FAM13C: variants seen among roughly 807,000 people sequenced by gnomAD.
The protein encoded by FAM13C is family with sequence similarity 13 member C.
A neutral mutation model predicts 73.2 loss-of-function variants in FAM13C; 37 were observed. The ratio of observed to expected loss-of-function variants is 0.51; its 90% CI spans 0.39 to 0.67. The LOEUF (loss-of-function observed/expected upper bound fraction) is 0.67. Ranked by LOEUF, FAM13C falls within the 30% of genes least tolerant of loss-of-function variation. FAM13C has a pLI of 0.00. For missense variants in FAM13C, 589 were observed against 715.6 expected (o/e 0.82, Z 2.02); for synonymous variants, 246 against 260.9 (o/e 0.94, Z 0.55).
At chr10:59,331,085 T>C (rs1235454876) in intron 3 of FAM13C, among the ~76,000 whole-genome samples, 60 of 152,198 alleles carry the variant, frequency 3.9e-4, no homozygotes, top group Admixed American at 3.9e-3. Context: ...TTCTGTGCTC[T>C]TCCTAGTTCC....
chr10:59,339,662 A>T (rs761167541), intron 3 of FAM13C, among the ~76,000 whole-genome samples: 1 of 152,174 alleles, frequency 6.6e-6, no homozygotes, highest in Non-Finnish European at 1.5e-5. Flanking sequence ...ACCCAGCATC[A>T]CTGATGAAAC....
intron 4 of FAM13C, 79 bp from the exon 5 acceptor site, chr10:59,302,943 T>C: frequency 7.5e-7 from 1 of 1,339,542 alleles, no homozygotes; most frequent in Non-Finnish European, 1.1e-6. Context: ...TGGCTACAAA[T>C]CTGGCTGTAC....
At chr10:59,260,073 T>C (rs921723306) in intron 10 of FAM13C, among the ~76,000 whole-genome samples, 1 of 152,192 alleles carries the variant, frequency 6.6e-6, no homozygotes, top group Non-Finnish European at 1.5e-5. Context: ...TCCCGGATTT[T>C]TTTTTTTGCC....
At chr10:59,358,572 T>C (rs556473542) in intron 1 of FAM13C, among the ~76,000 whole-genome samples, 2 of 152,314 alleles carry the variant, frequency 1.3e-5, no homozygotes, top group East Asian at 1.9e-4. Context: ...AGTAGCAACA[T>C]CAATGAAGAA....
rs190138340 is a variant in FAM13C, at chr10:59,329,165, A to G, written c.325-5059T>C. Among the ~76,000 whole-genome samples the G allele has an allele frequency of 3.7e-3, 563 of 152,240 alleles. 7 individuals are homozygous for G. The South Asian group carries it at 0.039, about 11-fold the overall frequency. On this transcript the variant is annotated intron_variant, in intron 3 of 13. Transcript: ENST00000618804. ...CTGGCCCTTTAAGAAATAGGGAACC[A>G]AGAGAGCAGTTTCTTCAGATCTATT...
At chr10:59,264,905 G>T (rs572466931) in intron 8 of FAM13C, among the ~76,000 whole-genome samples, 1 of 152,170 alleles carries the variant, frequency 6.6e-6, no homozygotes, top group East Asian at 1.9e-4. Flanking sequence ...TTAAATTAAG[G>T]ATGTACAAGG....
chr10:59,312,594 A>G (rs1484230000), intron 4 of FAM13C, among the ~76,000 whole-genome samples: 1 of 152,092 alleles, frequency 6.6e-6, no homozygotes, highest in Non-Finnish European at 1.5e-5. Flanking sequence ...CTTAGACAAA[A>G]TCCAAGGATC....
intron 6 of FAM13C, among the ~76,000 whole-genome samples, chr10:59,273,901 T>C (rs1412239668): frequency 1.3e-5 from 2 of 152,242 alleles, no homozygotes; most frequent in African/African-American, 4.8e-5. Flanking sequence ...AATTTAAAGC[T>C]ATTCCAAACC....
chr10:59,254,260 G>A (rs765889755), intron 11 of FAM13C, 88 bp downstream of exon 11: 2 of 862,024 alleles, frequency 2.3e-6, no homozygotes, highest in South Asian at 2.5e-5. Flanking sequence ...CTGCCATGAA[G>A]GGTCTTTTAT....
rs1160284709 is a variant in FAM13C, at chr10:59,252,927, A to G, written c.1404T>C (p.Ser468=). 6.2e-7 allele frequency: 1 copy of G among 1,614,106 alleles called. No individual in the cohort carries two copies. Among genetic ancestry groups the G allele is most frequent in the East Asian group, 2.2e-5 (1 of 44,874 alleles). The change falls in exon 12 of 14, where the codon TCT becomes TCC. Residue 468 remains serine, a synonymous_variant. Coordinates refer to ENST00000618804, the MANE Select transcript of FAM13C (RefSeq NM_198215.4). ...SQQPSLADPA[S]HLPVGDHLTY... ...TGAGGTGGTCACCAACAGGAAGGTGAGATGCTGGATCTGCCAAAGAAGGTT... is the reference window on the plus strand; with the variant it reads ...TGAGGTGGTCACCAACAGGAAGGTGGGATGCTGGATCTGCCAAAGAAGGTT...
intron 6 of FAM13C, among the ~76,000 whole-genome samples, chr10:59,281,713 C>A (rs1844940620): frequency 6.6e-6 from 1 of 152,198 alleles, no homozygotes; most frequent in Non-Finnish European, 1.5e-5. Context: ...TGTACAAAAT[C>A]TTGCCCATGC....
chr10:59,353,396 T>C (rs1855325546), intron 2 of FAM13C, among the ~76,000 whole-genome samples: 1 of 152,208 alleles, frequency 6.6e-6, no homozygotes, highest in South Asian at 2.1e-4. Flanking sequence ...TCAATATCAT[T>C]AACCTTAATC....
rs773846045 is a variant in FAM13C at position 59,254,422 on chromosome 10, G to A, written c.1258C>T (p.Leu420Phe). The stretch of plus-strand genomic sequence containing the variant: ...TATCGGTCATAAAGCGGCTTTATGA[G>A]GTTCTTGTCTTGCTTAGTTACCTGA... Reference protein sequence around the residue: ...DSKVTKQDKNLIKPLYDRYRI... With the variant: ...DSKVTKQDKNFIKPLYDRYRI... Residue 420 changes from leucine (L) to phenylalanine (F), a missense_variant, in exon 11 of 14, where the codon CTC (leucine) becomes TTC (phenylalanine). Physicochemically the swap from Leu to Phe is conservative, Grantham distance 22. Coordinates refer to ENST00000618804, the MANE Select transcript of FAM13C (RefSeq NM_198215.4). 3 of 1,521,454 alleles carry A rather than the reference G, an allele frequency of 2.0e-6. No individual in the cohort carries two copies. In the South Asian group the frequency reaches 4.0e-5, roughly 20 times the overall value. 94.2% of individuals were successfully genotyped at this position (1,521,454 alleles called of 1,614,324 possible).
At chr10:59,254,768 A>G (rs1841787062) in intron 10 of FAM13C, among the ~76,000 whole-genome samples, 1 of 151,696 alleles carries the variant, frequency 6.6e-6, no homozygotes, top group Non-Finnish European at 1.5e-5. Flanking sequence ...ATGCCTGGCT[A>G]ATTATTTTGT....
At chr10:59,360,284 A>C (rs963662154) in intron 1 of FAM13C, among the ~76,000 whole-genome samples, 4 of 152,234 alleles carry the variant, frequency 2.6e-5, no homozygotes, top group Admixed American at 6.5e-5. Context: ...AATAAGGGTC[A>C]CTACCAGAGG....
intron 5 of FAM13C, among the ~76,000 whole-genome samples, chr10:59,290,869 G>T (rs766864840): frequency 3.9e-5 from 6 of 152,132 alleles, no homozygotes; most frequent in African/African-American, 7.2e-5. Context: ...ATTTGCAGGG[G>T]GGGCAGGGGT....
intron 12 of FAM13C, among the ~76,000 whole-genome samples, chr10:59,252,205 T>C (rs192679734): frequency 6.6e-6 from 1 of 152,320 alleles, no homozygotes; most frequent in Admixed American, 6.5e-5. Flanking sequence ...AAAAGTCATA[T>C]ACTCTAGAGC....
chr10:59,346,752 G>A (rs1396038273), intron 3 of FAM13C, among the ~76,000 whole-genome samples: 2 of 152,156 alleles, frequency 1.3e-5, no homozygotes, highest in Non-Finnish European at 2.9e-5. Flanking sequence ...TTGGTTGTCA[G>A]GGATTAATTT....
intron 1 of FAM13C, among the ~76,000 whole-genome samples, chr10:59,358,189 C>A (rs1221040604): frequency 6.6e-6 from 1 of 152,094 alleles, no homozygotes; most frequent in African/African-American, 2.4e-5. Flanking sequence ...ACCAGCCTGG[C>A]CAACATGGTA....
Sources: gnomAD v4.1 joint callset for allele counts (sites outside exome capture counted in the v4.1 genomes callset) on GRCh38, gnomAD v4.1.1 for gene constraint, MANE v1.5 for transcripts, NCBI Gene and HGNC (gene_info 2026-07-23, HGNC 2026-07-21) for gene names.